Variants in PCNP observed in about 807,000 individuals in gnomAD.
The protein encoded by PCNP is PEST proteolytic signal containing nuclear protein.
Under a neutral mutation model 21.8 loss-of-function variants are expected in PCNP, and 6 were observed. The observed-to-expected ratio is 0.28, with a 90% CI of 0.15 to 0.54. PCNP has a LOEUF of 0.54. PCNP is among the 20% of genes least tolerant of loss of function. The probability of loss-of-function intolerance (pLI) is 0.95; values close to 1 mark genes in which losing one functional copy is unlikely to be tolerated. For synonymous variants in PCNP, 67 were observed against 73.2 expected (o/e 0.92, Z 0.43); for missense variants, 161 against 215.5 (o/e 0.75, Z 1.58).
rs149458479 is a variant in PCNP, at chr3:101,593,674, G to A, written c.*921G>A. On this transcript the variant is annotated 3_prime_UTR_variant, in exon 5 of 5. Transcript: ENST00000265260. ...GTATGAAGATGGAAAATAAGAAGATGCACTTTCTGTAACTTTGTCTAAGGA... is the reference window on the plus strand; with the variant it reads ...GTATGAAGATGGAAAATAAGAAGATACACTTTCTGTAACTTTGTCTAAGGA... The A allele has an allele frequency of 3.3e-5, 5 of 152,658 alleles. No homozygotes were observed. In the East Asian group the frequency reaches 9.6e-4, roughly 29 times the overall value. 9.5% of individuals were successfully genotyped at this position (152,658 alleles called of 1,614,324 possible).
At chr3:101,585,290 T>C (rs528889189) in intron 2 of PCNP, 147 bp from the exon 3 acceptor site, 689 of 531,174 alleles carry the variant, frequency 1.3e-3, no homozygotes, top group Non-Finnish European at 1.6e-3. Flanking sequence ...AAAGAGAGAA[T>C]GGATTTGTCC....
intron 3 of PCNP, among the ~76,000 whole-genome samples, chr3:101,588,777 A>T (rs1231403185): frequency 4.6e-5 from 7 of 152,148 alleles, no homozygotes; most frequent in Non-Finnish European, 1.5e-5. Context: ...GATTAGTTTC[A>T]CGTTTCTTAC....
At chr3:101,579,758 C>A in intron 1 of PCNP, 32 bp from the exon 2 acceptor site, 1 of 1,474,276 alleles carries the variant, frequency 6.8e-7, no homozygotes, top group Non-Finnish European at 9.5e-7. Flanking sequence ...GTAAAAATAG[C>A]TCATCTTGGT....
At chr3:101,589,015 C>T (rs894000940) in intron 3 of PCNP, among the ~76,000 whole-genome samples, 4 of 152,082 alleles carry the variant, frequency 2.6e-5, no homozygotes, top group Non-Finnish European at 4.4e-5. Context: ...TGATTGAGGA[C>T]GTTTTCTCAC....
At chr3:101,577,626 G>A (rs1199101295) in intron 1 of PCNP, among the ~76,000 whole-genome samples, 3 of 152,208 alleles carry the variant, frequency 2.0e-5, no homozygotes, top group Non-Finnish European at 4.4e-5. Flanking sequence ...CTGGGTTCAA[G>A]CGATTCTCCT....
At chr3:101,587,534 A>G (rs770485410) in intron 3 of PCNP, among the ~76,000 whole-genome samples, 1 of 151,986 alleles carries the variant, frequency 6.6e-6, no homozygotes, top group Non-Finnish European at 1.5e-5. Context: ...CTAGGAACTC[A>G]GCCTAGCAGG....
chr3:101,584,726 G>A (rs1383936122), intron 2 of PCNP, among the ~76,000 whole-genome samples: 1 of 152,082 alleles, frequency 6.6e-6, no homozygotes, highest in African/African-American at 2.4e-5. Flanking sequence ...CACCACACCT[G>A]GCTGATTTTT....
chr3:101,592,472 C>G (rs1232069237), intron 4 of PCNP, among the ~76,000 whole-genome samples, 155 bp from the exon 5 acceptor site: 1 of 152,158 alleles, frequency 6.6e-6, no homozygotes, highest in Non-Finnish European at 1.5e-5. Flanking sequence ...CATGCCTGGC[C>G]TGTGAAATGT....
At position 101,592,959 on chromosome 3, in the gene PCNP, T is replaced by C; in HGVS notation, c.*206T>C. The stretch of plus-strand genomic sequence containing the variant: ...TACAGATTTCAAGACATTTGCTAAT[T>C]TTGTAGTTTCATGTGATTAGTTTCC... On this transcript the variant is annotated 3_prime_UTR_variant, in exon 5 of 5. Coordinates refer to ENST00000265260, the MANE Select transcript of PCNP (RefSeq NM_020357.3). 1 of 357,596 alleles carries C rather than the reference T, an allele frequency of 2.8e-6. No individual in the cohort carries two copies. The allele number at this position is 357,596 out of a possible 1,614,324, so 22.2% of individuals were successfully genotyped here.
intron 1 of PCNP, among the ~76,000 whole-genome samples, chr3:101,578,076 A>T (rs1935023553): frequency 6.6e-6 from 1 of 152,146 alleles, no homozygotes; most frequent in Non-Finnish European, 1.5e-5. Context: ...TCTCATTTTT[A>T]AAAAAACTGA....
chr3:101,582,937 G>A (rs1035401328), intron 2 of PCNP, among the ~76,000 whole-genome samples: 3 of 152,224 alleles, frequency 2.0e-5, no homozygotes, highest in Non-Finnish European at 4.4e-5. Flanking sequence ...CCGAATTTAA[G>A]GGCTTGTATT....
chr3:101,578,722 AGTCT>A (rs1935061675), intron 1 of PCNP, among the ~76,000 whole-genome samples: 1 of 152,178 alleles, frequency 6.6e-6, no homozygotes, highest in Non-Finnish European at 1.5e-5. Context: ...TTTACTTGTC[AGTCT>A]GTGTTCGACT....
intron 3 of PCNP, among the ~76,000 whole-genome samples, chr3:101,586,622 T>TTTCTTGTTTCAGAGAGAGAGAGAGAGA (rs1935541759): frequency 3.0e-5 from 4 of 134,468 alleles, no homozygotes; most frequent in Admixed American, 7.5e-5. Flanking sequence ...AGAGAGAGAG[T>TTTCTTGTTTCAGAGAGAGAGAGAGAGA]GTGTCTTGCT....
intron 1 of PCNP, chr3:101,576,465 T>C: frequency 1.1e-5 from 16 of 1,481,438 alleles, no homozygotes; most frequent in Non-Finnish European, 9.3e-7. Context: ...ATAAACTATT[T>C]ATTAACAGAC....
chr3:101,587,805 G>A (rs1935610547), intron 3 of PCNP, among the ~76,000 whole-genome samples: 1 of 152,072 alleles, frequency 6.6e-6, no homozygotes, highest in South Asian at 2.1e-4. Flanking sequence ...CAGACTGTAG[G>A]AGGGAAGAAC....
At chr3:101,583,874 G>C (rs540288017) in intron 2 of PCNP, among the ~76,000 whole-genome samples, 20 of 28,676 alleles carry the variant, frequency 7.0e-4, no homozygotes, top group African/African-American at 1.3e-3. Context: ...TGTTGGCCAG[G>C]CTGGTCTCGG....
intron 3 of PCNP, among the ~76,000 whole-genome samples, chr3:101,586,338 A>T (rs1212968473): frequency 6.6e-6 from 1 of 152,008 alleles, no homozygotes; most frequent in Non-Finnish European, 1.5e-5. Flanking sequence ...TCTTTGTCCC[A>T]ATTTCCTCAT....
intron 1 of PCNP, among the ~76,000 whole-genome samples, chr3:101,579,261 C>T (rs1462668424): frequency 2.0e-5 from 3 of 152,010 alleles, no homozygotes; most frequent in East Asian, 1.9e-4. Flanking sequence ...GTGAGATGTA[C>T]GTGAGGAACA....
At chr3:101,591,693 T>G (rs566852085) in intron 4 of PCNP, among the ~76,000 whole-genome samples, 40 of 152,206 alleles carry the variant, frequency 2.6e-4, no homozygotes, top group African/African-American at 9.6e-4. Flanking sequence ...TGGCCAGCTA[T>G]CACATTGACT....
Sources: allele counts gnomAD v4.1 joint callset (sites outside exome capture counted in the v4.1 genomes callset), GRCh38; gene constraint gnomAD v4.1.1; transcripts MANE v1.5; gene names NCBI Gene and HGNC (gene_info 2026-07-23, HGNC 2026-07-21).